INTU: variants seen among roughly 807,000 people sequenced by gnomAD.
The protein encoded by INTU is protein inturned.
INTU carries 68 observed loss-of-function variants against 100.5 expected under a neutral mutation model. The observed-to-expected ratio is 0.68, with a 90% CI of 0.56 to 0.83. INTU has a LOEUF of 0.83. Ranked by LOEUF, INTU falls within the 40% of genes least tolerant of loss-of-function variation. The probability of loss-of-function intolerance (pLI) is 0.00; values close to 1 mark genes in which losing one functional copy is unlikely to be tolerated. For missense variants in INTU, 1,071 were observed against 1,114.7 expected, an observed-to-expected ratio of 0.96 and a Z score of 0.56; for synonymous variants, 357 against 395.7, an observed-to-expected ratio of 0.90 and a Z score of 1.16.
At chr4:127,654,728 T>G (rs1395732276) in intron 2 of INTU, among the ~76,000 whole-genome samples, 2 of 147,264 alleles carry the variant, frequency 1.4e-5, no homozygotes, top group East Asian at 3.9e-4. Context: ...GAGGAGTATC[T>G]TTGTGGCCTT....
chr4:127,671,181 C>T (rs575800988), intron 5 of INTU, among the ~76,000 whole-genome samples: 3 of 152,060 alleles, frequency 2.0e-5, no homozygotes, highest in South Asian at 2.1e-4. Context: ...AGATAGCCTG[C>T]GGAATGAGAG....
chr4:127,672,860 T>C (rs576506667), intron 5 of INTU, among the ~76,000 whole-genome samples: 63 of 152,340 alleles, frequency 4.1e-4, no homozygotes, highest in South Asian at 1.7e-3. Flanking sequence ...TGTTTCTCTT[T>C]TTAGAACATA....
rs538457312 is a variant in INTU at position 127,714,221 on chromosome 4, C to T, written c.2717+128C>T. On this transcript the variant is annotated intron_variant, in intron 15 of 15. Transcript: ENST00000335251. ...CTAGCTATACTATTTTAATATATTT[C>T]ATTTTATTTGCTAAGTATCTCCTTT... 367 of 577,992 alleles carry T rather than the reference C, an allele frequency of 6.3e-4. 1 individual carries two copies. Among genetic ancestry groups the T allele is most frequent in the African/African-American group, 6.3e-3 (336 of 53,026 alleles). The allele number at this position is 577,992 out of a possible 1,614,324, so 35.8% of individuals were successfully genotyped here. A position where few individuals can be genotyped will look rare whatever the true frequency, so the allele number is the denominator to read the frequency against.
chr4:127,693,392 G>A (rs990973726), intron 8 of INTU, among the ~76,000 whole-genome samples: 2 of 152,100 alleles, frequency 1.3e-5, no homozygotes, highest in African/African-American at 2.4e-5. Flanking sequence ...TTGGTGTACA[G>A]CAGAGCTACT....
rs566793246 is a variant in INTU, at chr4:127,667,243, G to A, written c.973-1793G>A. On this transcript the variant is annotated intron_variant, in intron 4 of 15. Coordinates refer to ENST00000335251, the MANE Select transcript of INTU (RefSeq NM_015693.4). ...TTCTCAAAAGAACAGGTTTCTGTCT[G>A]TTGCCAGCCCTGTATCAACATTGTA... Among the ~76,000 whole-genome samples the A allele has an allele frequency of 7.2e-4, 109 of 152,244 alleles. 2 individuals are homozygous for A. The highest frequency in any genetic ancestry group is 4.4e-5 in the Non-Finnish European group (3 of 67,998).
At chr4:127,653,661 A>G (rs1253116788) in intron 2 of INTU, among the ~76,000 whole-genome samples, 2 of 150,596 alleles carry the variant, frequency 1.3e-5, no homozygotes, top group African/African-American at 4.9e-5. Flanking sequence ...CAATTTTGGA[A>G]TAGGTGTGGT....
chr4:127,685,679 T>A (rs998349726), intron 7 of INTU: 2 of 230,904 alleles, frequency 8.7e-6, no homozygotes, highest in Non-Finnish European at 1.8e-5. Context: ...CCTCTTTAAG[T>A]TTACTCAACA....
chr4:127,671,839 T>A (rs1326428470), intron 5 of INTU, among the ~76,000 whole-genome samples: 2 of 151,888 alleles, frequency 1.3e-5, no homozygotes, highest in South Asian at 2.1e-4. Flanking sequence ...GAGAATGAAA[T>A]CATGTCATTT....
At chr4:127,634,060 A>G (rs1372637987) in intron 1 of INTU, among the ~76,000 whole-genome samples, 2 of 152,348 alleles carry the variant, frequency 1.3e-5, no homozygotes. Flanking sequence ...ACAGTTACAA[A>G]TCATTTATAT....
intron 13 of INTU, 60 bp downstream of exon 13, chr4:127,708,728 C>T (rs1208281189): frequency 2.5e-6 from 2 of 798,296 alleles, no homozygotes; most frequent in Non-Finnish European, 4.1e-6. Context: ...TGAGAAAGTA[C>T]AATTTTATAA....
At chr4:127,696,682 T>C (rs1213667157) in intron 8 of INTU, among the ~76,000 whole-genome samples, 2 of 152,120 alleles carry the variant, frequency 1.3e-5, no homozygotes, top group African/African-American at 4.8e-5. Context: ...GTGTCGTTGA[T>C]TTCTCCTCTA....
chr4:127,695,669 T>C (rs1730351492), intron 8 of INTU, among the ~76,000 whole-genome samples: 2 of 152,208 alleles, frequency 1.3e-5, no homozygotes, highest in Non-Finnish European at 2.9e-5. Flanking sequence ...AGTTTATTTC[T>C]TCCTTCCCAA....
chr4:127,706,634 C>G lies in INTU; in HGVS notation c.1936C>G (p.Leu646Val). The G allele has an allele frequency of 6.2e-7, 1 of 1,614,102 alleles. No homozygotes were observed. Among genetic ancestry groups the G allele is most frequent in the Non-Finnish European group, 8.5e-7 (1 of 1,179,984 alleles). ...AGTAGATTCTCGCATAGATGAACGG[C>G]TAGCATCTTCTCCAGTCCCCTGTTT... is the stretch of plus-strand genomic sequence containing the variant. The part of the protein sequence containing the change: ...DGVDSRIDER[L>V]ASSPVPCLSC... The change falls in exon 12 of 16, where the codon CTA (leucine) becomes GTA (valine). Residue 646 changes from leucine (L) to valine (V), a missense_variant. Coordinates refer to ENST00000335251, the MANE Select transcript of INTU (RefSeq NM_015693.4).
At chr4:127,650,274 C>T (rs1415429659) in intron 2 of INTU, among the ~76,000 whole-genome samples, 2 of 151,654 alleles carry the variant, frequency 1.3e-5, no homozygotes. Flanking sequence ...GCACATTGTG[C>T]AGGTTAGTTA....
intron 3 of INTU, among the ~76,000 whole-genome samples, chr4:127,659,071 C>T (rs765226901): frequency 2.6e-4 from 39 of 152,238 alleles, no homozygotes; most frequent in Admixed American, 6.5e-4. Context: ...CTAATGTCAC[C>T]ACTGATCTGA....
chr4:127,696,590 G>A (rs1250042687), intron 8 of INTU, among the ~76,000 whole-genome samples: 1 of 151,268 alleles, frequency 6.6e-6, no homozygotes, highest in African/African-American at 2.4e-5. Flanking sequence ...AGTTAGGCTA[G>A]AAGCTTATAC....
chr4:127,635,765 T>A (rs1020288224), intron 1 of INTU, among the ~76,000 whole-genome samples: 3 of 152,220 alleles, frequency 2.0e-5, no homozygotes, highest in African/African-American at 7.2e-5. Context: ...AACATATCCA[T>A]CTCGCCTAAG....
intron 4 of INTU, among the ~76,000 whole-genome samples, chr4:127,668,314 A>G (rs1222912146): frequency 6.6e-6 from 1 of 151,960 alleles, no homozygotes; most frequent in East Asian, 1.9e-4. Context: ...TCTTCTTGAA[A>G]ACAGAAAAAT....
intron 1 of INTU, among the ~76,000 whole-genome samples, chr4:127,640,596 T>C (rs538456041): frequency 0.019 from 748 of 39,806 alleles, 73 homozygotes; most frequent in South Asian, 0.11. Flanking sequence ...TATATACATA[T>C]ACATAAACAC....
Sources: allele counts gnomAD v4.1 joint callset (sites outside exome capture counted in the v4.1 genomes callset), GRCh38; gene constraint gnomAD v4.1.1; transcripts MANE v1.5; gene names NCBI Gene and HGNC (gene_info 2026-07-23, HGNC 2026-07-21).